Variants in ATP2C1 observed in about 807,000 individuals in gnomAD.
ATP2C1 encodes the protein ATPase secretory pathway Ca2+ transporting 1.
ATP2C1 carries 31 observed loss-of-function variants against 120.5 expected under a neutral mutation model. That is an observed-to-expected ratio of 0.26 (90% CI 0.19 to 0.35). The LOEUF is 0.35. Ranked by LOEUF, ATP2C1 falls within the 10% of genes least tolerant of loss-of-function variation. ATP2C1 has a pLI of 1.00. For missense variants in ATP2C1, 731 were observed against 1,107.5 expected (o/e 0.66, Z 4.83); for synonymous variants, 351 against 358.7 (o/e 0.98, Z 0.24).
intron 1 of ATP2C1, among the ~76,000 whole-genome samples, chr3:130,856,949 A>T (rs1470512174): frequency 6.6e-6 from 1 of 152,260 alleles, no homozygotes; most frequent in Non-Finnish European, 1.5e-5. Flanking sequence ...GATTGCAAAA[A>T]TTCAAAAAAT....
intron 2 of ATP2C1, among the ~76,000 whole-genome samples, chr3:130,923,351 C>G (rs901252671): frequency 6.6e-6 from 1 of 151,896 alleles, no homozygotes; most frequent in Non-Finnish European, 1.5e-5. Flanking sequence ...CTCAGCCTCC[C>G]GAGTAGCTGG....
chr3:130,972,650 G>A (rs1438865540), intron 17 of ATP2C1, among the ~76,000 whole-genome samples: 3 of 118,618 alleles, frequency 2.5e-5, no homozygotes, highest in Admixed American at 1.2e-4. Context: ...AGTCCCCAGA[G>A]TGTTCTTCCT....
At chr3:130,876,963 T>C (rs968550160) in intron 1 of ATP2C1, among the ~76,000 whole-genome samples, 1 of 152,234 alleles carries the variant, frequency 6.6e-6, no homozygotes, top group Non-Finnish European at 1.5e-5. Context: ...TTTTGTTTCC[T>C]ACAAGTTTAC....
rs188694560 is a variant in ATP2C1 at position 130,984,481 on chromosome 3, A to T, written c.1839+3802A>T. On this transcript the variant is annotated intron_variant, in intron 20 of 27. Coordinates refer to ENST00000510168, the MANE Select transcript of ATP2C1 (RefSeq NM_001378687.1). ...TCATACAGTAGCATTAAGTCCCTAG[A>T]CCTCCAGCCCCACTTCCCTCATCCT... 3.9e-5 allele frequency among the ~76,000 whole-genome samples: 6 copies of T among 152,090 alleles called. No individual in the cohort carries two copies. In the East Asian group the frequency reaches 1.2e-3, roughly 29 times the overall value.
chr3:130,954,868 A>T, intron 9 of ATP2C1, 144 bp from the exon 10 acceptor site: 1 of 678,590 alleles, frequency 1.5e-6, no homozygotes, highest in Non-Finnish European at 2.7e-6. Context: ...TAAAAAAGTA[A>T]ATTTGCTGAG....
At chr3:130,887,994 A>G (rs966165303) in intron 1 of ATP2C1, among the ~76,000 whole-genome samples, 2 of 152,138 alleles carry the variant, frequency 1.3e-5, no homozygotes. Flanking sequence ...ATGATGCACT[A>G]CCTGGGTATT....
chr3:130,973,177 T>C (rs1345857146), intron 17 of ATP2C1, among the ~76,000 whole-genome samples: 1 of 152,088 alleles, frequency 6.6e-6, no homozygotes, highest in Non-Finnish European at 1.5e-5. Flanking sequence ...GAAGATTTTA[T>C]CAACTAATGC....
At chr3:130,915,401 T>C (rs2058641828) in intron 2 of ATP2C1, among the ~76,000 whole-genome samples, 1 of 152,182 alleles carries the variant, frequency 6.6e-6, no homozygotes, top group South Asian at 2.1e-4. Context: ...GCCTAATTCA[T>C]TCTTAATTAT....
exon 27 of ATP2C1, chr3:131,016,392 T>C: frequency 1.3e-6 from 2 of 1,587,032 alleles, no homozygotes; most frequent in Non-Finnish European, 1.7e-6. Flanking sequence ...TGTAACAGCT[T>C]TTCATTTTCT....
chr3:130,982,878 A>G (rs1364153703), intron 20 of ATP2C1, among the ~76,000 whole-genome samples: 4 of 152,216 alleles, frequency 2.6e-5, no homozygotes, highest in Admixed American at 6.5e-5. Context: ...CACTCAGGTT[A>G]TGCATCCACA....
chr3:130,967,958 A>G (rs1288925955), intron 16 of ATP2C1, among the ~76,000 whole-genome samples: 5 of 152,256 alleles, frequency 3.3e-5, no homozygotes, highest in South Asian at 2.1e-4. Flanking sequence ...CCTAAGTCCT[A>G]TATTTGATTC....
At chr3:131,015,842 G>A (rs1577096748) in intron 26 of ATP2C1, 2 of 465,558 alleles carry the variant, frequency 4.3e-6, no homozygotes, top group Non-Finnish European at 7.9e-6. Flanking sequence ...AAAGGAGAGA[G>A]TTGTATCCTA....
chr3:130,900,898 G>C (rs2057790231), intron 2 of ATP2C1, among the ~76,000 whole-genome samples: 1 of 152,064 alleles, frequency 6.6e-6, no homozygotes, highest in Non-Finnish European at 1.5e-5. Flanking sequence ...TTTGTATGCA[G>C]GCATTTCACT....
upstream of ATP2C1, among the ~76,000 whole-genome samples, chr3:130,889,571 C>G (rs768168297): frequency 3.9e-4 from 59 of 151,856 alleles, no homozygotes; most frequent in Non-Finnish European, 6.9e-4. Flanking sequence ...GGACTTATTC[C>G]CATTCAGATA....
intron 14 of ATP2C1, 144 bp downstream of exon 14, chr3:130,965,189 C>T: frequency 3.0e-6 from 2 of 671,428 alleles, no homozygotes; most frequent in Non-Finnish European, 5.3e-6. Flanking sequence ...GTGATTTTAC[C>T]AAGTCTTTGT....
intron 22 of ATP2C1, among the ~76,000 whole-genome samples, chr3:130,995,059 A>T (rs16835510): frequency 0.018 from 2,665 of 152,250 alleles, 38 homozygotes; most frequent in East Asian, 0.074. Flanking sequence ...GACATGCATT[A>T]GTTTAAACCT....
At chr3:130,929,544 A>G (rs527630095) in intron 2 of ATP2C1, among the ~76,000 whole-genome samples, 2 of 152,306 alleles carry the variant, frequency 1.3e-5, no homozygotes, top group East Asian at 3.9e-4. Context: ...TGATAATTTT[A>G]GTTTCAGTAT....
intron 22 of ATP2C1, among the ~76,000 whole-genome samples, chr3:130,995,068 C>T (rs1215131621): frequency 1.3e-5 from 2 of 152,036 alleles, no homozygotes; most frequent in African/African-American, 4.8e-5. Flanking sequence ...TAGTTTAAAC[C>T]TTTACTCTGC....
At chr3:131,012,068 T>C (rs2109033110) in intron 26 of ATP2C1, among the ~76,000 whole-genome samples, 1 of 152,290 alleles carries the variant, frequency 6.6e-6, no homozygotes, top group South Asian at 2.1e-4. Context: ...TTATTACTTC[T>C]GCTGGAGGAG....
Sources: gnomAD v4.1 joint callset for allele counts (sites outside exome capture counted in the v4.1 genomes callset) on GRCh38, gnomAD v4.1.1 for gene constraint, MANE v1.5 for transcripts, NCBI Gene and HGNC (gene_info 2026-07-23, HGNC 2026-07-21) for gene names.